Variants in ATP9A observed in about 807,000 individuals in gnomAD.
ATP9A encodes the protein ATPase phospholipid transporting 9A.
Under a neutral mutation model 144.1 loss-of-function variants are expected in ATP9A, and 52 were observed. The ratio of observed to expected loss-of-function variants is 0.36; its 90% CI spans 0.29 to 0.45. The LOEUF (loss-of-function observed/expected upper bound fraction) is 0.45. Among genes scored for constraint, ATP9A ranks in the 20% least tolerant of loss-of-function variants. The pLI, the probability that ATP9A is intolerant of heterozygous loss-of-function variation, is 1.00. For missense variants in ATP9A, 947 were observed against 1,392.7 expected, an observed-to-expected ratio of 0.68 and a Z score of 5.09; for synonymous variants, 582 against 557.4, an observed-to-expected ratio of 1.04 and a Z score of -0.62.
intron 1 of ATP9A, among the ~76,000 whole-genome samples, chr20:51,767,158 C>A (rs1403978081): frequency 1.3e-5 from 2 of 151,666 alleles, no homozygotes; most frequent in Non-Finnish European, 2.9e-5. Flanking sequence ...CTGTTCCGAG[C>A]AACTGACGCT....
intron 10 of ATP9A, 41 bp downstream of exon 10, chr20:51,676,091 A>T (rs774837234): frequency 2.6e-6 from 4 of 1,521,960 alleles, no homozygotes; most frequent in Non-Finnish European, 2.7e-6. Flanking sequence ...AGAACCAACC[A>T]GCCCACAGCC....
In ATP9A at chr20:51,597,629, A is replaced by G. The variant is rs999615696; in HGVS notation, c.*3582T>C. The G allele has an allele frequency of 2.2e-4, 34 of 152,322 alleles. No homozygotes were observed. The highest frequency in any genetic ancestry group is 7.9e-4 in the African/African-American group (33 of 41,572). 9.4% of individuals were successfully genotyped at this position (152,322 alleles called of 1,614,324 possible). A position where few individuals can be genotyped will look rare whatever the true frequency, so the allele number is the denominator to read the frequency against. The stretch of plus-strand genomic sequence containing the variant: ...TAAGTAGGATGGAGCAGAAGAATGT[A>G]CATGTCCCATTTGCAATTTTGGCAA... On this transcript the variant is annotated 3_prime_UTR_variant, in exon 28 of 28. Coordinates refer to ENST00000338821, the MANE Select transcript of ATP9A (RefSeq NM_006045.3).
At chr20:51,758,186 T>C (rs551529596) in intron 1 of ATP9A, among the ~76,000 whole-genome samples, 19 of 152,332 alleles carry the variant, frequency 1.2e-4, no homozygotes, top group East Asian at 1.2e-3. Context: ...ATAAAAATAA[T>C]TGCTAACCTT....
intron 15 of ATP9A, among the ~76,000 whole-genome samples, chr20:51,634,080 A>G (rs965434450): frequency 2.6e-5 from 4 of 152,184 alleles, no homozygotes; most frequent in Non-Finnish European, 5.9e-5. Context: ...ACAGACTCTA[A>G]GCACAGAGTC....
intron 2 of ATP9A, among the ~76,000 whole-genome samples, chr20:51,728,703 C>T (rs2077726616): frequency 6.6e-6 from 1 of 151,656 alleles, no homozygotes; most frequent in South Asian, 2.1e-4. Flanking sequence ...GAGTCTGAGG[C>T]TGCAATAAGC....
At position 51,723,171 on chromosome 20, in the gene ATP9A, G is replaced by A. The variant is rs116425220; in HGVS notation, c.327+2648C>T. ...AGGAATGGAAAACCAAACATCATAT[G>A]TTTTCACTAATATGTGGGAGCTAAG... is the stretch of plus-strand genomic sequence containing the variant. On this transcript the variant is annotated intron_variant, in intron 3 of 27. Transcript: ENST00000338821. Among the ~76,000 whole-genome samples the A allele has an allele frequency of 1.1e-3, 171 of 152,306 alleles. 1 individual carries two copies. Among genetic ancestry groups the A allele is most frequent in the African/African-American group, 4.0e-3 (167 of 41,576 alleles).
At chr20:51,653,182 C>CTT (rs56872433) in intron 14 of ATP9A, among the ~76,000 whole-genome samples, 60 of 146,360 alleles carry the variant, frequency 4.1e-4, no homozygotes, top group East Asian at 2.8e-3. Flanking sequence ...GAAAGTAGTT[C>CTT]TTTTTTTTTT....
At chr20:51,768,220 C>T (rs2077914191) in intron 1 of ATP9A, 82 bp downstream of exon 1, 2 of 960,322 alleles carry the variant, frequency 2.1e-6, no homozygotes, top group Non-Finnish European at 2.7e-6. Flanking sequence ...CGCGGCCAAC[C>T]TGTCAGGCCC....
chr20:51,616,330 T>C (rs2122717433), intron 22 of ATP9A, among the ~76,000 whole-genome samples: 1 of 144,770 alleles, frequency 6.9e-6, no homozygotes, highest in South Asian at 2.2e-4. Context: ...TTCTTTTCTT[T>C]TTTTTTGAGA....
intron 4 of ATP9A, among the ~76,000 whole-genome samples, chr20:51,701,549 C>T (rs1488202495): frequency 2.0e-5 from 3 of 152,116 alleles, no homozygotes; most frequent in Non-Finnish European, 4.4e-5. Context: ...CCCTTTAATC[C>T]TCTGTGTTTG....
chr20:51,694,572 G>A (rs975633929), intron 6 of ATP9A, among the ~76,000 whole-genome samples: 2 of 152,142 alleles, frequency 1.3e-5, no homozygotes, highest in African/African-American at 4.8e-5. Context: ...CTGAGCCTCA[G>A]TTTCCTCGTG....
intron 1 of ATP9A, among the ~76,000 whole-genome samples, chr20:51,733,850 A>G (rs1199953746): frequency 2.0e-5 from 3 of 150,552 alleles, no homozygotes; most frequent in Non-Finnish European, 3.0e-5. Context: ...ATTTTTTAAT[A>G]TTTTGTAGAG....
At position 51,643,781 on chromosome 20, in the gene ATP9A, T is replaced by A. The variant is rs1432092896; in HGVS notation, c.1507-4277A>T. On this transcript the variant is annotated intron_variant, in intron 14 of 27. Coordinates refer to ENST00000338821, the MANE Select transcript of ATP9A (RefSeq NM_006045.3). ...TCTAACTTTCAATATAGCCCTGTTT[T>A]GTCTGCTAACAATTGTCTTCCAAAG... 7.2e-5 allele frequency among the ~76,000 whole-genome samples: 11 copies of A among 152,300 alleles called. No individual in the cohort carries two copies. In the East Asian group the frequency reaches 1.9e-3, roughly 27 times the overall value.
intron 9 of ATP9A, among the ~76,000 whole-genome samples, chr20:51,684,623 G>C (rs571302017): frequency 8.6e-5 from 13 of 151,184 alleles, no homozygotes; most frequent in African/African-American, 3.2e-4. Context: ...GTGAACCCGG[G>C]AGGCGGAGCT....
At position 51,613,687 on chromosome 20, in the gene ATP9A, C is replaced by T; in HGVS notation, c.2561G>A (p.Ser854Asn). Residue 854 changes from serine (S) to asparagine (N), a missense_variant, in exon 23 of 28, where the codon AGC (serine) becomes AAC (asparagine). Ser to Asn is a conservative substitution (Grantham distance 46). This residue lies in a region of ATP9A where 177 missense variants were observed against 344.9 expected (regional missense o/e 0.51). Coordinates refer to ENST00000338821, the MANE Select transcript of ATP9A (RefSeq NM_006045.3). ...QFVIHRSLCI[S>N]TMQAVFSSVF... ...CAGCTGTCCACTCACCTGCATGGTGCTGATACAGAGGCTCCTGTGAATCAC... is the reference window on the plus strand; with the variant it reads ...CAGCTGTCCACTCACCTGCATGGTGTTGATACAGAGGCTCCTGTGAATCAC... The T allele has an allele frequency of 6.2e-7, 1 of 1,613,990 alleles. No homozygotes were observed.
intron 26 of ATP9A, among the ~76,000 whole-genome samples, chr20:51,606,180 C>T (rs111438403): frequency 1.7e-4 from 26 of 152,160 alleles, no homozygotes; most frequent in African/African-American, 6.0e-4. Flanking sequence ...TCGCTTGAAA[C>T]CATAAGGCGG....
chr20:51,670,907 G>A (rs1245367497), intron 12 of ATP9A, among the ~76,000 whole-genome samples: 2 of 152,142 alleles, frequency 1.3e-5, no homozygotes, highest in Non-Finnish European at 2.9e-5. Context: ...AGGAGTGACC[G>A]CACTGAAACT....
intron 7 of ATP9A, among the ~76,000 whole-genome samples, chr20:51,693,279 G>A (rs1001703011): frequency 6.6e-5 from 10 of 152,210 alleles, no homozygotes; most frequent in Non-Finnish European, 1.0e-4. Context: ...AGTGGAGTGC[G>A]GAGATGCCCT....
intron 14 of ATP9A, among the ~76,000 whole-genome samples, chr20:51,656,053 G>A (rs2092789765): frequency 6.6e-6 from 1 of 152,094 alleles, no homozygotes; most frequent in African/African-American, 2.4e-5. Context: ...TATGGTTCCA[G>A]ATGTTTGGAG....
Sources: allele counts gnomAD v4.1 joint callset (sites outside exome capture counted in the v4.1 genomes callset), GRCh38; gene constraint gnomAD v4.1.1; regional missense constraint gnomAD v4.1.1; transcripts MANE v1.5; gene names NCBI Gene and HGNC (gene_info 2026-07-23, HGNC 2026-07-21).